TENM2: variants seen among roughly 807,000 people sequenced by gnomAD.
The protein encoded by TENM2 is teneurin-2.
A neutral mutation model predicts 245.2 loss-of-function variants in TENM2; 52 were observed. The observed-to-expected ratio is 0.21, with a 90% CI of 0.17 to 0.27. The LOEUF is 0.27. TENM2 is among the 10% of genes least tolerant of loss of function. The pLI, the probability that TENM2 is intolerant of heterozygous loss-of-function variation, is 1.00. For synonymous variants in TENM2, 1,363 were observed against 1,438.9 expected (o/e 0.95, Z 1.19); for missense variants, 3,046 against 3,666.8 (o/e 0.83, Z 4.37).
chr5:167,563,277 G>A (rs768901955), intron 2 of TENM2, among the ~76,000 whole-genome samples: 16 of 152,304 alleles, frequency 1.1e-4, no homozygotes, highest in Middle Eastern at 3.4e-3. Flanking sequence ...CAGGCTTGGA[G>A]AGTCTCCTTT....
At chr5:167,954,687 G>T (rs1017106876) in intron 4 of TENM2, among the ~76,000 whole-genome samples, 5 of 152,018 alleles carry the variant, frequency 3.3e-5, no homozygotes, top group Non-Finnish European at 7.4e-5. Context: ...TTATTGTTCA[G>T]CTCCCACTTA....
At chr5:167,555,152 C>T (rs1214519049) in intron 2 of TENM2, among the ~76,000 whole-genome samples, 1 of 152,138 alleles carries the variant, frequency 6.6e-6, no homozygotes, top group Non-Finnish European at 1.5e-5. Context: ...TCCATTGGCT[C>T]TTGGAAAAGC....
intron 2 of TENM2, among the ~76,000 whole-genome samples, chr5:167,506,710 T>TA (rs1769577268): frequency 6.6e-6 from 1 of 152,166 alleles, no homozygotes; most frequent in Non-Finnish European, 1.5e-5. Context: ...GGTGACTCTT[T>TA]AAAACTCTCA....
intron 16 of TENM2, among the ~76,000 whole-genome samples, chr5:168,199,586 A>G (rs1761757766): frequency 6.6e-6 from 1 of 152,242 alleles, no homozygotes; most frequent in African/African-American, 2.4e-5. Context: ...GTTCTTATTT[A>G]CATCTTTTGC....
intron 2 of TENM2, among the ~76,000 whole-genome samples, chr5:167,411,383 C>CT (rs1762897420): frequency 6.6e-6 from 1 of 152,028 alleles, no homozygotes; most frequent in South Asian, 2.1e-4. Flanking sequence ...TTTCTTTCCA[C>CT]TTTAATTGTG....
chr5:167,626,349 T>G (rs1316987152), intron 2 of TENM2, among the ~76,000 whole-genome samples: 1 of 152,028 alleles, frequency 6.6e-6, no homozygotes, highest in Non-Finnish European at 1.5e-5. Context: ...TGCTGTGTGT[T>G]TCTGTCCTAG....
chr5:168,045,818 C>T (rs921348959), intron 5 of TENM2, among the ~76,000 whole-genome samples: 2 of 152,192 alleles, frequency 1.3e-5, no homozygotes, highest in Admixed American at 6.5e-5. Context: ...ATGATTAGTT[C>T]TCATTTCCTG....
At chr5:167,591,321 G>A (rs1775862226) in intron 2 of TENM2, among the ~76,000 whole-genome samples, 1 of 152,198 alleles carries the variant, frequency 6.6e-6, no homozygotes, top group Non-Finnish European at 1.5e-5. Context: ...TTTAATGTAT[G>A]ACATAAACAT....
intron 2 of TENM2, among the ~76,000 whole-genome samples, chr5:167,725,399 G>A (rs1759923037): frequency 6.6e-6 from 1 of 152,160 alleles, no homozygotes; most frequent in Admixed American, 6.5e-5. Context: ...CTTTGGAGAT[G>A]TTTACATAAT....
chr5:167,764,544 T>C, intron 2 of TENM2, among the ~76,000 whole-genome samples: 1 of 152,164 alleles, frequency 6.6e-6, no homozygotes, highest in East Asian at 1.9e-4. Context: ...TAGAGAGAGT[T>C]CCCACTCTTG....
chr5:167,445,339 A>G lies in TENM2; in HGVS notation c.502+69866A>G, dbSNP rs796752439. Among the ~76,000 whole-genome samples the G allele has an allele frequency of 2.2e-3, 158 of 72,144 alleles. 5 individuals carry two copies. The South Asian group carries it at 0.067, about 30-fold the overall frequency. The allele number at this position is 72,144 out of a possible 152,430, so 47.3% of individuals were successfully genotyped here. On this transcript the variant is annotated intron_variant, in intron 2 of 28. Coordinates refer to ENST00000518659, the Ensembl canonical transcript of TENM2. Reference sequence around the variant, plus strand: ...TATATATATATATATATATATATAGAGAGAGAGAGAGAGAGAGAGAGAGAG... The same window carrying G: ...TATATATATATATATATATATATAGGGAGAGAGAGAGAGAGAGAGAGAGAG...
chr5:167,523,125 A>G (rs1464737520), intron 2 of TENM2, among the ~76,000 whole-genome samples: 2 of 152,124 alleles, frequency 1.3e-5, no homozygotes, highest in Non-Finnish European at 2.9e-5. Flanking sequence ...GATAGCATCT[A>G]GGTCCCAGCC....
chr5:167,443,464 G>A (rs1764979899), intron 2 of TENM2, among the ~76,000 whole-genome samples: 1 of 152,130 alleles, frequency 6.6e-6, no homozygotes, highest in African/African-American at 2.4e-5. Context: ...TTACTCTCTG[G>A]CCCTTTGCAG....
chr5:168,196,447 G>A (rs941955045), intron 15 of TENM2, among the ~76,000 whole-genome samples: 11 of 152,178 alleles, frequency 7.2e-5, no homozygotes, highest in African/African-American at 2.2e-4. Context: ...CTTAGAAGCC[G>A]GTGGGGTTTT....
At position 167,979,856 on chromosome 5, in the gene TENM2, G is replaced by T. The variant is rs150481478; in HGVS notation, c.948-13088G>T. On this transcript the variant is annotated intron_variant, in intron 4 of 28. Transcript: ENST00000518659. ...GTAGGAATAATACGAACATGATGTT[G>T]TTTATCGAAATCTTGAAAACCAGAG... Among the ~76,000 whole-genome samples the T allele has an allele frequency of 4.5e-3, 678 of 152,276 alleles. 9 individuals carry two copies. The highest frequency in any genetic ancestry group is 0.015 in the African/African-American group (635 of 41,560).
intron 2 of TENM2, among the ~76,000 whole-genome samples, chr5:167,855,684 A>G (rs1314585427): frequency 1.1e-5 from 1 of 91,288 alleles, no homozygotes; most frequent in East Asian, 3.6e-4. Context: ...GAAGGAAGGA[A>G]GGAGGGAGGG....
chr5:167,478,993 T>TGTGG, intron 2 of TENM2, among the ~76,000 whole-genome samples: 1 of 151,898 alleles, frequency 6.6e-6, no homozygotes, highest in East Asian at 1.9e-4. Flanking sequence ...TATATATATG[T>TGTGG]GTGTGTGTGT....
chr5:167,134,170 AG>A, the TENM2 span, among the ~76,000 whole-genome samples: 1 of 152,260 alleles, frequency 6.6e-6, no homozygotes, highest in East Asian at 1.9e-4. Flanking sequence ...GATTATTAAA[AG>A]TCAAAAAAAG....
At chr5:167,610,217 G>A (rs1161625185) in intron 2 of TENM2, among the ~76,000 whole-genome samples, 1 of 152,068 alleles carries the variant, frequency 6.6e-6, no homozygotes, top group Non-Finnish European at 1.5e-5. Flanking sequence ...GGGGTGTGGA[G>A]CTTTCATGCC....
Sources: gnomAD v4.1 joint callset for allele counts (sites outside exome capture counted in the v4.1 genomes callset) on GRCh38, gnomAD v4.1.1 for gene constraint, MANE v1.5 for transcripts, NCBI Gene and HGNC (gene_info 2026-07-23, HGNC 2026-07-21) for gene names.